INPP5D: variants seen among roughly 807,000 people sequenced by gnomAD.
The protein encoded by INPP5D is inositol polyphosphate-5-phosphatase D, also known as phosphatidylinositol 3,4,5-trisphosphate 5-phosphatase 1.
INPP5D carries 33 observed loss-of-function variants against 122.9 expected under a neutral mutation model. That is an observed-to-expected ratio of 0.27 (90% CI 0.20 to 0.36). The LOEUF (loss-of-function observed/expected upper bound fraction) is 0.36, where lower values mean the gene tolerates loss of function less well. Ranked by LOEUF, INPP5D falls within the 10% of genes least tolerant of loss-of-function variation. The pLI is 1.00. For synonymous variants in INPP5D, 584 were observed against 576.2 expected (o/e 1.01, Z -0.19); for missense variants, 1,053 against 1,412.7 (o/e 0.75, Z 4.08).
At chr2:233,192,033 C>A (rs1051926699) in intron 22 of INPP5D, among the ~76,000 whole-genome samples, 1 of 152,148 alleles carries the variant, frequency 6.6e-6, no homozygotes, top group Non-Finnish European at 1.5e-5. Flanking sequence ...GAGGTAACTA[C>A]GTGATCTTGG....
In INPP5D at chr2:233,196,428, C is replaced by A. The variant is rs542835711; in HGVS notation, c.2693+933C>A. Among the ~76,000 whole-genome samples the A allele has an allele frequency of 5.3e-4, 80 of 152,230 alleles. 2 individuals are homozygous for A. Among genetic ancestry groups the A allele is most frequent in the African/African-American group, 1.4e-3 (60 of 41,484 alleles). Reference sequence around the variant, plus strand: ...GTGCAGTCCCTGACTTAGGAACTTGCGGCCTAGTGCATGAAGAAGTGACTG... The same window carrying A: ...GTGCAGTCCCTGACTTAGGAACTTGAGGCCTAGTGCATGAAGAAGTGACTG... On this transcript the variant is annotated intron_variant, in intron 24 of 26. Transcript: ENST00000445964.
intron 2 of INPP5D, among the ~76,000 whole-genome samples, chr2:233,115,744 T>G (rs1000491917): frequency 6.6e-6 from 1 of 152,164 alleles, no homozygotes; most frequent in Admixed American, 6.5e-5. Flanking sequence ...AGAGGTCCAT[T>G]TTCTGCAATG....
In INPP5D at chr2:233,198,322, A is replaced by T. The variant is rs1481310584; in HGVS notation, c.2921A>T (p.Lys974Met). The T allele has an allele frequency of 1.9e-6, 3 of 1,613,742 alleles. No individual in the cohort carries two copies. The highest frequency in any genetic ancestry group is 2.5e-6 in the Non-Finnish European group (3 of 1,179,888). ...GGCCAGCCGCCCATATCACCCAAGA[A>T]GTTTTTACCCTCAACAGCAAACCGG... ...PPGQPPISPKKFLPSTANRGL... is the reference protein window; with the variant it reads ...PPGQPPISPKMFLPSTANRGL... The change falls in exon 25 of 27, where the codon AAG (lysine) becomes ATG (methionine). Residue 974 changes from lysine (K) to methionine (M), a missense_variant. By Grantham distance (95) the Lys-to-Met change is moderately conservative (BLOSUM62 -1). This residue lies in a region of INPP5D where 417 missense variants were observed against 425.8 expected (regional missense o/e 0.98). Coordinates refer to ENST00000445964, the MANE Select transcript of INPP5D (RefSeq NM_001017915.3).
At chr2:233,110,437 C>T (rs1206977713) in intron 2 of INPP5D, among the ~76,000 whole-genome samples, 5 of 151,918 alleles carry the variant, frequency 3.3e-5, no homozygotes, top group African/African-American at 1.2e-4. Context: ...TGGGCTCGAG[C>T]GATCTTCCCA....
rs549982404 is a variant in INPP5D, at chr2:233,195,569, G to T, written c.2693+74G>T. 25 of 1,598,676 alleles carry T rather than the reference G, an allele frequency of 1.6e-5. No individual in the cohort carries two copies. The Admixed American group carries it at 2.0e-4, about 13-fold the overall frequency. Reference sequence around the variant, plus strand: ...CATGACAAATTAGCATGGTTTGGCCGGGTGCGATGGTTCACGCCCATAATC... The same window carrying T: ...CATGACAAATTAGCATGGTTTGGCCTGGTGCGATGGTTCACGCCCATAATC... On this transcript the variant is annotated intron_variant, in intron 24 of 26. Transcript: ENST00000445964.
chr2:233,147,334 G>T, intron 8 of INPP5D, 137 bp from the exon 9 acceptor site: 1 of 619,380 alleles, frequency 1.6e-6, no homozygotes, highest in Non-Finnish European at 2.9e-6. Flanking sequence ...CGCCGCTGGG[G>T]CAAGAGAAGC....
chr2:233,060,444 GC>G lies in INPP5D; in HGVS notation c.-33del. 2 of 1,561,018 alleles carry G rather than the reference GC, an allele frequency of 1.3e-6. No individual in the cohort carries two copies. The highest frequency in any genetic ancestry group is 1.7e-6 in the Non-Finnish European group (2 of 1,151,228). Reference sequence around the variant, plus strand: ...TCGGTGGTGTGTGGGTCCTGGGGGTGCCTGCCGGCCCGGCCGAGGAGGCCCA... The same window carrying G: ...TCGGTGGTGTGTGGGTCCTGGGGGTGCTGCCGGCCCGGCCGAGGAGGCCCA... On this transcript the variant is annotated 5_prime_UTR_variant, in exon 1 of 27. Coordinates refer to ENST00000445964, the MANE Select transcript of INPP5D (RefSeq NM_001017915.3).
chr2:233,184,611 C>G (rs1440996995), intron 20 of INPP5D, 90 bp downstream of exon 20: 3 of 1,519,496 alleles, frequency 2.0e-6, no homozygotes, highest in Non-Finnish European at 2.7e-6. Context: ...CCCATATCTT[C>G]TCTCCCTGGA....
At position 233,206,601 on chromosome 2, in the gene INPP5D, A is replaced by G. The variant is rs1695512074; in HGVS notation, c.3568-105A>G. ...TGCTGGCTCTTCTCAGCTACACGTT[A>G]AAGGAAGCCTGGCCTAGCCCACAGC... On this transcript the variant is annotated intron_variant, in intron 26 of 26. Transcript: ENST00000445964. This position sits in a 1 kb window ranked among gnomAD's most constrained non-coding sequence, Gnocchi z 4.0. The G allele has an allele frequency of 1.4e-6, 1 of 692,270 alleles. No individual in the cohort carries two copies. 42.9% of individuals were successfully genotyped at this position (692,270 alleles called of 1,614,324 possible).
intron 26 of INPP5D, 98 bp downstream of exon 26, chr2:233,204,815 T>C: frequency 7.1e-7 from 1 of 1,411,140 alleles, no homozygotes; most frequent in Non-Finnish European, 9.3e-7. Flanking sequence ...CATGTGTGTG[T>C]GCACGCATGC....
In INPP5D at chr2:233,060,404, G is replaced by A. The variant is rs923003391; in HGVS notation, c.-75G>A. The A allele has an allele frequency of 1.4e-6, 2 of 1,478,258 alleles. No individual in the cohort carries two copies. Among genetic ancestry groups the A allele is most frequent in the Non-Finnish European group, 1.8e-6 (2 of 1,101,642 alleles). The allele number at this position is 1,478,258 out of a possible 1,614,324, so 91.6% of individuals were successfully genotyped here. ...CAACGGGCGGCAGGTTGCAGTGGAGGGGCCTCCGCTCCCCTCGGTGGTGTG... is the reference window on the plus strand; with the variant it reads ...CAACGGGCGGCAGGTTGCAGTGGAGAGGCCTCCGCTCCCCTCGGTGGTGTG... On this transcript the variant is annotated 5_prime_UTR_variant, in exon 1 of 27. Transcript: ENST00000445964.
intron 21 of INPP5D, among the ~76,000 whole-genome samples, chr2:233,186,289 C>T (rs1200479404): frequency 6.6e-6 from 1 of 152,136 alleles, no homozygotes; most frequent in Non-Finnish European, 1.5e-5. Context: ...GGACGCAACC[C>T]CAAGACCCCG....
intron 2 of INPP5D, among the ~76,000 whole-genome samples, chr2:233,081,816 G>A (rs1401111623): frequency 1.3e-5 from 2 of 152,138 alleles, no homozygotes; most frequent in South Asian, 2.1e-4. Context: ...CTGTGGGGCC[G>A]CTCTTCCCAG....
intron 9 of INPP5D, among the ~76,000 whole-genome samples, chr2:233,155,144 G>A (rs1056118207): frequency 1.3e-5 from 2 of 151,902 alleles, no homozygotes; most frequent in African/African-American, 2.4e-5. Flanking sequence ...AAAGAGAGAA[G>A]GGGGAAGAAG....
chr2:233,150,640 C>T (rs981125756), intron 9 of INPP5D, among the ~76,000 whole-genome samples: 7 of 152,176 alleles, frequency 4.6e-5, no homozygotes, highest in African/African-American at 1.2e-4. Flanking sequence ...GTGCTGTGAA[C>T]TTTTGTCGGT....
intron 5 of INPP5D, 85 bp downstream of exon 5, chr2:233,130,733 C>T: frequency 2.8e-6 from 4 of 1,408,554 alleles, no homozygotes; most frequent in Non-Finnish European, 3.0e-6. Flanking sequence ...CTGCCTCTGC[C>T]TGGCTGAACA....
chr2:233,130,603 C>T lies in INPP5D; in HGVS notation c.620C>T (p.Pro207Leu). The T allele has an allele frequency of 6.2e-7, 1 of 1,614,020 alleles. No homozygotes were observed. The highest frequency in any genetic ancestry group is 8.5e-7 in the Non-Finnish European group (1 of 1,179,892). The change falls in exon 5 of 27, where the codon CCT becomes CTT. Residue 207 changes from proline (P) to leucine (L), a missense_variant. By Grantham distance (98) the Pro-to-Leu change is moderately conservative. Around this residue, in one of 6 missense-constraint regions of INPP5D, gnomAD observed 196 missense variants for 175.6 expected, o/e 1.12. Coordinates refer to ENST00000445964, the MANE Select transcript of INPP5D (RefSeq NM_001017915.3). ...EFVKTGSSSLPHLKKLTTLLC... is the reference protein window; with the variant it reads ...EFVKTGSSSLLHLKKLTTLLC... ...GTGAAGACAGGGTCCAGCAGTCTTC[C>T]TCACCTGAAGAAACTGACCACACTG...
At chr2:233,130,757 C>G (rs759225205) in intron 5 of INPP5D, 109 bp downstream of exon 5, 9 of 1,140,732 alleles carry the variant, frequency 7.9e-6, no homozygotes, top group Non-Finnish European at 1.3e-6. Context: ...GCCTCTGCCG[C>G]ACTCACAATA....
At chr2:233,204,796 A>ATGTGTGTGCATG (rs909707645) in intron 26 of INPP5D, 79 bp downstream of exon 26, 1 of 1,240,912 alleles carries the variant, frequency 8.1e-7, no homozygotes, top group African/African-American at 1.6e-5. Flanking sequence ...ACCTATGCAT[A>ATGTGTGTGCATG]TGTGTGTGCA....
Sources: allele counts gnomAD v4.1 joint callset (sites outside exome capture counted in the v4.1 genomes callset), GRCh38; gene constraint gnomAD v4.1.1; regional missense constraint gnomAD v4.1.1; non-coding constraint Gnocchi (gnomAD v3.1); transcripts MANE v1.5; gene names NCBI Gene and HGNC (gene_info 2026-07-23, HGNC 2026-07-21).